The following SUGCT variants were observed in gnomAD, a reference collection of about 807,000 sequenced individuals.
SUGCT encodes the protein succinyl-CoA:glutarate CoA-transferase.
A neutral mutation model predicts 55.0 loss-of-function variants in SUGCT; 41 were observed. The observed-to-expected ratio is 0.74, with a 90% confidence interval of 0.58 to 0.97. SUGCT has a LOEUF of 0.97. Ranked by LOEUF, SUGCT falls within the 50% of genes least tolerant of loss-of-function variation. SUGCT has a pLI of 0.00. For synonymous variants in SUGCT, 187 were observed against 200.4 expected, an observed-to-expected ratio of 0.93 and a Z score of 0.56; for missense variants, 568 against 547.8, an observed-to-expected ratio of 1.04 and a Z score of -0.37.
chr7:40,306,818 G>A (rs1794874664), intron 8 of SUGCT, among the ~76,000 whole-genome samples: 1 of 152,176 alleles, frequency 6.6e-6, no homozygotes, highest in Admixed American at 6.5e-5. Context: ...GACTGGGTCA[G>A]TGGTTCATGG....
At chr7:40,822,358 G>T (rs1281003496) in intron 13 of SUGCT, among the ~76,000 whole-genome samples, 3 of 152,118 alleles carry the variant, frequency 2.0e-5, no homozygotes, top group African/African-American at 7.2e-5. Flanking sequence ...AATATTGACA[G>T]TGGGGTGTTA....
At chr7:40,582,903 T>C (rs1398618708) in intron 12 of SUGCT, among the ~76,000 whole-genome samples, 1 of 152,190 alleles carries the variant, frequency 6.6e-6, no homozygotes. Flanking sequence ...ATAGTAATGC[T>C]GGTATTATTA....
At chr7:40,566,835 T>C (rs2151677872) in intron 12 of SUGCT, among the ~76,000 whole-genome samples, 1 of 152,224 alleles carries the variant, frequency 6.6e-6, no homozygotes, top group East Asian at 1.9e-4. Context: ...TATATTTATA[T>C]CTATAGTTTA....
chr7:40,769,974 A>T (rs1789008575), intron 13 of SUGCT, among the ~76,000 whole-genome samples: 1 of 152,092 alleles, frequency 6.6e-6, no homozygotes, highest in African/African-American at 2.4e-5. Context: ...TTCTTATAAC[A>T]TTATTTCTCC....
At chr7:40,728,311 G>T (rs1235656791) in intron 12 of SUGCT, among the ~76,000 whole-genome samples, 1 of 152,124 alleles carries the variant, frequency 6.6e-6, no homozygotes, top group Non-Finnish European at 1.5e-5. Flanking sequence ...CTGAGGTCAG[G>T]AGTTCGAGAC....
intron 12 of SUGCT, among the ~76,000 whole-genome samples, chr7:40,551,555 A>T (rs562243512): frequency 1.3e-5 from 2 of 152,220 alleles, no homozygotes; most frequent in South Asian, 2.1e-4. Flanking sequence ...CGGTCATAAT[A>T]AACATTGACA....
rs1031869340 is a variant in SUGCT, at chr7:40,167,829, C to T, written c.101-13118C>T. Among the ~76,000 whole-genome samples, 14 of 152,224 alleles carry T rather than the reference C, an allele frequency of 9.2e-5. 1 individual carries two copies. The South Asian group carries it at 1.7e-3, about 18-fold the overall frequency. ...GCGGCGGGTCTGCGACAGCAGCAAACAGCAGTGGTGGAGAGTGAGCCAAAG... is the reference window on the plus strand; with the variant it reads ...GCGGCGGGTCTGCGACAGCAGCAAATAGCAGTGGTGGAGAGTGAGCCAAAG... On this transcript the variant is annotated intron_variant, in intron 1 of 13. Coordinates refer to ENST00000335693, the MANE Select transcript of SUGCT (RefSeq NM_001193313.2).
intron 11 of SUGCT, among the ~76,000 whole-genome samples, chr7:40,470,140 C>A (rs528396850): frequency 7.2e-5 from 11 of 152,036 alleles, no homozygotes; most frequent in African/African-American, 2.7e-4. Flanking sequence ...GACCTTATTT[C>A]GCTCTTGACT....
At chr7:40,819,580 C>G (rs1791869679) in intron 13 of SUGCT, among the ~76,000 whole-genome samples, 2 of 152,118 alleles carry the variant, frequency 1.3e-5, no homozygotes, top group African/African-American at 2.4e-5. Context: ...CTGTTCATAT[C>G]CTTCACCCAC....
intron 8 of SUGCT, among the ~76,000 whole-genome samples, chr7:40,291,730 A>G (rs150570297): frequency 6.6e-6 from 1 of 152,198 alleles, no homozygotes; most frequent in Non-Finnish European, 1.5e-5. Flanking sequence ...TATCATTACA[A>G]TATGTACTAT....
chr7:41,020,455 T>TA, the SUGCT span, among the ~76,000 whole-genome samples: 2 of 152,234 alleles, frequency 1.3e-5, no homozygotes, highest in Non-Finnish European at 2.9e-5. Context: ...GTTTCATTAT[T>TA]AAAACCACAG....
chr7:40,747,282 C>A (rs1176271034), intron 12 of SUGCT, among the ~76,000 whole-genome samples: 2 of 152,032 alleles, frequency 1.3e-5, no homozygotes, highest in Admixed American at 1.3e-4. Context: ...CCAGTGGCAG[C>A]CAGAATATTT....
At chr7:40,936,952 G>A in the SUGCT span, among the ~76,000 whole-genome samples, 1 of 151,766 alleles carries the variant, frequency 6.6e-6, no homozygotes, top group Non-Finnish European at 1.5e-5. Context: ...TTCTTTGTAT[G>A]TCATGTCAAT....
intron 13 of SUGCT, among the ~76,000 whole-genome samples, chr7:40,813,756 C>T (rs1029527792): frequency 2.0e-5 from 3 of 152,096 alleles, no homozygotes; most frequent in African/African-American, 4.8e-5. Context: ...TTGATCCTAT[C>T]GAGAAATTGT....
At chr7:40,792,528 G>T (rs567791228) in intron 13 of SUGCT, among the ~76,000 whole-genome samples, 2 of 152,092 alleles carry the variant, frequency 1.3e-5, no homozygotes, top group Non-Finnish European at 2.9e-5. Flanking sequence ...CCTATTAATT[G>T]CCATGAAGAA....
chr7:40,747,835 A>G (rs1787807972), intron 12 of SUGCT, among the ~76,000 whole-genome samples: 1 of 152,124 alleles, frequency 6.6e-6, no homozygotes, highest in African/African-American at 2.4e-5. Context: ...GTATCACAAA[A>G]CATTTTGCCT....
chr7:40,785,487 C>A (rs1302781189), intron 13 of SUGCT, among the ~76,000 whole-genome samples: 1 of 152,096 alleles, frequency 6.6e-6, no homozygotes, highest in Non-Finnish European at 1.5e-5. Context: ...AAGGTAAATC[C>A]AGGAAAAGCC....
At chr7:40,565,741 C>T (rs1796097648) in intron 12 of SUGCT, among the ~76,000 whole-genome samples, 1 of 152,152 alleles carries the variant, frequency 6.6e-6, no homozygotes, top group Non-Finnish European at 1.5e-5. Flanking sequence ...CTACTTCAGC[C>T]TCACTGACCC....
At chr7:40,637,939 G>T (rs1183235432) in intron 12 of SUGCT, among the ~76,000 whole-genome samples, 1 of 152,220 alleles carries the variant, frequency 6.6e-6, no homozygotes, top group Non-Finnish European at 1.5e-5. Context: ...CAGAGTATTT[G>T]TAAGTACTTG....
Sources: gnomAD v4.1 joint callset for allele counts (sites outside exome capture counted in the v4.1 genomes callset) on GRCh38, gnomAD v4.1.1 for gene constraint, MANE v1.5 for transcripts, NCBI Gene and HGNC (gene_info 2026-07-23, HGNC 2026-07-21) for gene names.